The following SLC8A1 variants were observed in gnomAD, a reference collection of about 807,000 sequenced individuals.
The protein encoded by SLC8A1 is solute carrier family 8 member A1, also known as sodium/calcium exchanger 1.
A neutral mutation model predicts 68.3 loss-of-function variants in SLC8A1; 18 were observed. That is an observed-to-expected ratio of 0.26 (90% confidence interval 0.18 to 0.39). SLC8A1 has a LOEUF of 0.39. Among genes scored for constraint, SLC8A1 ranks in the 10% least tolerant of loss-of-function variants. The pLI, the probability that SLC8A1 is intolerant of heterozygous loss-of-function variation, is 1.00. For missense variants in SLC8A1, 985 were observed against 1,156.7 expected, an observed-to-expected ratio of 0.85 and a Z score of 2.15; for synonymous variants, 475 against 415.5, an observed-to-expected ratio of 1.14 and a Z score of -1.74.
At chr2:40,409,996 G>A (rs1471927848) in intron 2 of SLC8A1, among the ~76,000 whole-genome samples, 1 of 151,888 alleles carries the variant, frequency 6.6e-6, no homozygotes, top group Non-Finnish European at 1.5e-5. Flanking sequence ...CGGACTAAGA[G>A]TGAGAAGGGA....
intron 2 of SLC8A1, among the ~76,000 whole-genome samples, chr2:40,397,749 A>G (rs1362626318): frequency 6.6e-6 from 1 of 152,238 alleles, no homozygotes; most frequent in African/African-American, 2.4e-5. Flanking sequence ...CTGAGAATCA[A>G]TAGAAACAGA....
chr2:40,362,994 T>C (rs144704463), intron 2 of SLC8A1, among the ~76,000 whole-genome samples: 21 of 152,212 alleles, frequency 1.4e-4, no homozygotes, highest in African/African-American at 5.1e-4. Flanking sequence ...CCTCAGTCCC[T>C]AGTATGACCA....
chr2:40,178,528 A>T lies in SLC8A1; in HGVS notation c.1809-673T>A, dbSNP rs1210666466. 4 of 1,539,718 alleles carry T rather than the reference A, an allele frequency of 2.6e-6. 1 individual carries two copies. In the Admixed American group the frequency reaches 6.7e-5, roughly 26 times the overall value. ...AGAATAGAAATTGACGAACAAGGGG[A>T]AGAGGAAAGAGAAGAGAAGGAACAT... On this transcript the variant is annotated intron_variant, in intron 2 of 7. Coordinates refer to ENST00000406785, the Ensembl canonical transcript of SLC8A1.
intron 6 of SLC8A1, among the ~76,000 whole-genome samples, chr2:40,159,759 C>A (rs2045328422): frequency 6.6e-6 from 1 of 152,014 alleles, no homozygotes; most frequent in Non-Finnish European, 1.5e-5. Flanking sequence ...TGCAAAAAAC[C>A]AAAGCAAGAT....
intron 2 of SLC8A1, among the ~76,000 whole-genome samples, chr2:40,348,424 T>A (rs1670011697): frequency 6.6e-6 from 1 of 152,224 alleles, no homozygotes; most frequent in Non-Finnish European, 1.5e-5. Context: ...ATCTACCGTT[T>A]CAGACATTTT....
intron 2 of SLC8A1, among the ~76,000 whole-genome samples, chr2:40,261,828 G>C (rs1214790463): frequency 6.6e-6 from 1 of 152,142 alleles, no homozygotes; most frequent in Non-Finnish European, 1.5e-5. Context: ...ATGATGATGG[G>C]AAGGATTTTG....
intron 2 of SLC8A1, among the ~76,000 whole-genome samples, chr2:40,284,820 T>C (rs902606225): frequency 1.3e-5 from 2 of 151,998 alleles, no homozygotes; most frequent in Non-Finnish European, 2.9e-5. Flanking sequence ...TGCTGGTTTA[T>C]GCAATTGAGC....
intron 2 of SLC8A1, among the ~76,000 whole-genome samples, chr2:40,192,190 A>C (rs1243265241): frequency 2.0e-5 from 3 of 152,138 alleles, no homozygotes; most frequent in Non-Finnish European, 4.4e-5. Flanking sequence ...GAGCAAACTT[A>C]GATTTCTTGA....
chr2:40,301,578 T>C (rs1384798643), intron 2 of SLC8A1, among the ~76,000 whole-genome samples: 1 of 152,018 alleles, frequency 6.6e-6, no homozygotes, highest in Admixed American at 6.5e-5. Context: ...ACAATGGATT[T>C]TGGGGACTTG....
upstream of SLC8A1, among the ~76,000 whole-genome samples, chr2:40,452,751 A>G (rs1486520585): frequency 1.3e-5 from 2 of 150,646 alleles, no homozygotes; most frequent in Non-Finnish European, 3.0e-5. Flanking sequence ...GACACAAGCA[A>G]ACAGAGATAT....
chr2:40,411,177 T>G (rs1380465732), intron 2 of SLC8A1, among the ~76,000 whole-genome samples: 1 of 152,040 alleles, frequency 6.6e-6, no homozygotes, highest in Non-Finnish European at 1.5e-5. Flanking sequence ...CAAAGGGCAT[T>G]TTAAGAAGAG....
intron 1 of SLC8A1, among the ~76,000 whole-genome samples, chr2:40,476,531 G>T (rs1391092787): frequency 1.3e-5 from 2 of 152,330 alleles, no homozygotes; most frequent in Non-Finnish European, 1.5e-5. Flanking sequence ...CTTAGTGAAG[G>T]CGTCATTGAG....
At chr2:40,132,374 A>T (rs918047) in intron 7 of SLC8A1, among the ~76,000 whole-genome samples, 142,750 of 151,984 alleles carry the variant, frequency 0.94, 67,703 homozygotes, top group East Asian at 1. Flanking sequence ...TCACTCTCCT[A>T]TAAGCTATTA....
intron 2 of SLC8A1, among the ~76,000 whole-genome samples, chr2:40,194,757 T>C (rs1346750286): frequency 7.1e-6 from 1 of 140,392 alleles, no homozygotes; most frequent in Non-Finnish European, 1.5e-5. Context: ...TTATGTCATA[T>C]CCTAGGGCCA....
intron 2 of SLC8A1, among the ~76,000 whole-genome samples, chr2:40,246,871 T>A (rs1343414211): frequency 2.6e-5 from 4 of 152,154 alleles, no homozygotes; most frequent in Admixed American, 6.5e-5. Flanking sequence ...TGGTTAGATG[T>A]GACTAGGGCT....
At position 40,245,683 on chromosome 2, in the gene SLC8A1, CT is replaced by C. The variant is rs60082736; in HGVS notation, c.1809-67829del. 9.1e-3 allele frequency among the ~76,000 whole-genome samples: 1,339 copies of C among 146,426 alleles called. 10 individuals are homozygous for C. Among genetic ancestry groups the C allele is most frequent in the African/African-American group, 0.023 (917 of 40,156 alleles). On this transcript the variant is annotated intron_variant, in intron 2 of 7. Coordinates refer to ENST00000406785, the Ensembl canonical transcript of SLC8A1. ...GTTTTATATTACTTAAAAAGTCAAA[CT>C]TTTTTTTTTTTAATCATTCCTTCTC...
At position 40,428,423 on chromosome 2, in the gene SLC8A1, CCACACACACACACACA is replaced by C. The variant is rs3838567; in HGVS notation, c.1808+34_1808+49del. Reference sequence around the variant, plus strand: ...GACTCACATTCATAAACACACTGAACCACACACACACACACACACACACACACACATATATAATATA... The same window carrying C: ...GACTCACATTCATAAACACACTGAACCACACACACACACATATATAATATA... On this transcript the variant is annotated intron_variant, in intron 2 of 7. Transcript: ENST00000406785. The C allele has an allele frequency of 7.7e-3, 10,717 of 1,394,114 alleles. 36 individuals are homozygous for C. The highest frequency in any genetic ancestry group is 9.4e-3 in the Non-Finnish European group (9,955 of 1,059,544). 86.4% of individuals were successfully genotyped at this position (1,394,114 alleles called of 1,614,324 possible).
chr2:40,489,111 A>T (rs1242354339), intron 1 of SLC8A1, among the ~76,000 whole-genome samples: 2 of 152,120 alleles, frequency 1.3e-5, no homozygotes, highest in African/African-American at 4.8e-5. Context: ...TGTTGCATCA[A>T]CCCAAGGAGG....
In SLC8A1 at chr2:40,204,901, C is replaced by T. The variant is rs547834325; in HGVS notation, c.1809-27046G>A. ...CCACATGTCAGTGATTTAATAGCTA[C>T]GTATGACTAGTGGCTACCATATTGA... On this transcript the variant is annotated intron_variant, in intron 2 of 7. Coordinates refer to ENST00000406785, the Ensembl canonical transcript of SLC8A1. Among the ~76,000 whole-genome samples the T allele has an allele frequency of 7.2e-5, 11 of 152,048 alleles. No individual in the cohort carries two copies. In the South Asian group the frequency reaches 1.2e-3, roughly 17 times the overall value.
Sources: allele counts gnomAD v4.1 joint callset (sites outside exome capture counted in the v4.1 genomes callset), GRCh38; gene constraint gnomAD v4.1.1; transcripts MANE v1.5; gene names NCBI Gene and HGNC (gene_info 2026-07-23, HGNC 2026-07-21).